Variants in TMEM44 observed in about 807,000 individuals in gnomAD.
TMEM44 encodes transmembrane protein 44.
TMEM44 carries 43 observed loss-of-function variants against 47.8 expected under a neutral mutation model. That is an observed-to-expected ratio of 0.90 (90% CI 0.70 to 1.16). The LOEUF is 1.16. Among genes scored for constraint, TMEM44 ranks in the 50% most tolerant of loss-of-function variants. The probability of loss-of-function intolerance (pLI) is 0.00; values close to 1 mark genes in which losing one functional copy is unlikely to be tolerated. For missense variants in TMEM44, 568 were observed against 555.2 expected (o/e 1.02, Z -0.23); for synonymous variants, 277 against 238.8 (o/e 1.16, Z -1.48).
chr3:194,593,308 G>C (rs1021005137), intron 9 of TMEM44, among the ~76,000 whole-genome samples: 1 of 152,060 alleles, frequency 6.6e-6, no homozygotes, highest in African/African-American at 2.4e-5. Flanking sequence ...AGGGCTGCAC[G>C]TCCTGGGAAA....
intron 7 of TMEM44, among the ~76,000 whole-genome samples, chr3:194,614,135 TAAAAC>T (rs777919063): frequency 3.3e-5 from 5 of 151,396 alleles, no homozygotes; most frequent in African/African-American, 7.3e-5. Flanking sequence ...AAAAACAAAA[TAAAAC>T]AAAACAAAAC....
chr3:194,599,670 C>T (rs1297786056), intron 9 of TMEM44, among the ~76,000 whole-genome samples: 3 of 150,952 alleles, frequency 2.0e-5, no homozygotes, highest in Admixed American at 6.6e-5. Flanking sequence ...CTGCAACCTC[C>T]GCCTCCCGGG....
At chr3:194,624,559 C>G (rs184685659) in intron 3 of TMEM44, among the ~76,000 whole-genome samples, 1 of 151,986 alleles carries the variant, frequency 6.6e-6, no homozygotes, top group Non-Finnish European at 1.5e-5. Context: ...GCTGGGACCA[C>G]AGGCATGCAC....
intron 5 of TMEM44, chr3:194,622,415 C>T (rs929324139): frequency 8.5e-5 from 13 of 152,218 alleles, no homozygotes; most frequent in African/African-American, 1.9e-4. Flanking sequence ...TTCACATTCC[C>T]GTGTCTTCCA....
Position 194,633,158 on chromosome 3 carries a change from A to G in TMEM44, c.58T>C (p.Cys20Arg), listed in dbSNP as rs1360405128. 6.5e-7 allele frequency: 1 copy of G among 1,548,944 alleles called. No individual in the cohort carries two copies. Among genetic ancestry groups the G allele is most frequent in the South Asian group, 1.2e-5 (1 of 84,048 alleles). Residue 20 changes from cysteine to arginine, a missense_variant, in exon 1 of 10, where the codon TGC (cysteine) becomes CGC (arginine). Physicochemically the swap from Cys to Arg is radical, Grantham distance 180 (BLOSUM62 -3). Coordinates refer to ENST00000347147, the MANE Select transcript of TMEM44 (RefSeq NM_001011655.3). ...ATGCAGACGCGGTGGCGGGCGAAGCAGCGGTCCAGGTAGTCCCAGTCCCAG... is the reference window on the plus strand; with the variant it reads ...ATGCAGACGCGGTGGCGGGCGAAGCGGCGGTCCAGGTAGTCCCAGTCCCAG... ...ALWDWDYLDRCFARHRVCISF... is the reference protein window; with the variant it reads ...ALWDWDYLDRRFARHRVCISF...
intron 9 of TMEM44, among the ~76,000 whole-genome samples, chr3:194,599,064 G>T (rs9844312): frequency 6.6e-6 from 1 of 151,616 alleles, no homozygotes. Context: ...GGTGGTCTGA[G>T]CCCAACGCCA....
chr3:194,609,290 T>C (rs982156066), intron 8 of TMEM44, among the ~76,000 whole-genome samples: 2 of 151,986 alleles, frequency 1.3e-5, no homozygotes, highest in African/African-American at 4.8e-5. Flanking sequence ...AGAACTGGTG[T>C]GCAGAGCGAG....
chr3:194,591,563 A>G (rs1348110026), intron 9 of TMEM44, among the ~76,000 whole-genome samples: 3 of 152,214 alleles, frequency 2.0e-5, no homozygotes, highest in Admixed American at 6.5e-5. Flanking sequence ...AACATTTAGA[A>G]TCTATTTTTT....
At chr3:194,608,274 C>G (rs142601431) in intron 8 of TMEM44, among the ~76,000 whole-genome samples, 6 of 152,190 alleles carry the variant, frequency 3.9e-5, no homozygotes, top group African/African-American at 1.4e-4. Context: ...ACCCAGTATA[C>G]AAGGAGCAAC....
chr3:194,621,953 C>T (rs1488238723), intron 5 of TMEM44, among the ~76,000 whole-genome samples: 1 of 152,200 alleles, frequency 6.6e-6, no homozygotes, highest in Non-Finnish European at 1.5e-5. Flanking sequence ...CTCAGGTGAT[C>T]CACCTGCCTC....
At chr3:194,615,847 A>T (rs1715824355) in intron 6 of TMEM44, 150 bp from the exon 7 acceptor site, 3 of 1,089,582 alleles carry the variant, frequency 2.8e-6, no homozygotes, top group Non-Finnish European at 3.9e-6. Flanking sequence ...AGAGGAGCTC[A>T]TCTGAAGACA....
At chr3:194,601,846 G>A (rs1158142464) in intron 9 of TMEM44, among the ~76,000 whole-genome samples, 1 of 152,198 alleles carries the variant, frequency 6.6e-6, no homozygotes, top group East Asian at 1.9e-4. Context: ...GCCCAAATCA[G>A]CCATAAGGAC....
chr3:194,588,411 T>G lies in TMEM44; in HGVS notation c.*118A>C, dbSNP rs546675545. On this transcript the variant is annotated 3_prime_UTR_variant, in exon 10 of 10. Coordinates refer to ENST00000347147, the MANE Select transcript of TMEM44 (RefSeq NM_001011655.3). ...ACACTCAGTGACGGCTCCTGGTTCC[T>G]CACTTGCCAGGGCAGCTTCAGTTCC... 1 of 844,618 alleles carries G rather than the reference T, an allele frequency of 1.2e-6. No individual in the cohort carries two copies. The highest frequency in any genetic ancestry group is 1.6e-5 in the South Asian group (1 of 61,400). The allele number at this position is 844,618 out of a possible 1,614,324, so 52.3% of individuals were successfully genotyped here.
intron 9 of TMEM44, among the ~76,000 whole-genome samples, chr3:194,601,585 G>A (rs890083845): frequency 3.3e-5 from 5 of 151,982 alleles, no homozygotes; most frequent in East Asian, 1.9e-4. Flanking sequence ...TTACAGGCGT[G>A]AGCCACCCCG....
intron 8 of TMEM44, among the ~76,000 whole-genome samples, chr3:194,607,985 C>G (rs375651377): frequency 2.2e-4 from 34 of 152,300 alleles, no homozygotes; most frequent in African/African-American, 8.2e-4. Flanking sequence ...GGAGTCTGTT[C>G]CCCAACAAGA....
Position 194,626,003 on chromosome 3 carries a change from G to T in TMEM44, c.265-13C>A. ...CACCAGTGAAAACCTGGGAGCAAAC[G>T]GGAAGAGAGTCTTGGCATTCAAGCA... On this transcript the variant is annotated splice_polypyrimidine_tract_variant and intron_variant, in intron 2 of 9. Transcript: ENST00000347147. 6.3e-7 allele frequency: 1 copy of T among 1,595,010 alleles called. No individual in the cohort carries two copies. Among genetic ancestry groups the T allele is most frequent in the South Asian group, 1.1e-5 (1 of 90,646 alleles).
At position 194,604,383 on chromosome 3, in the gene TMEM44, C is replaced by A; in HGVS notation, c.1080G>T (p.Leu360=). ...DGQTSAGDAS[L]QDPPSYPPVQ... is the part of the protein sequence containing the mutation. Reference sequence around the variant, plus strand: ...CGGGAGGGTACGACGGGGGGTCCTGCAGGGACGCATCTCCGGCGCTCGTCT... The same window carrying A: ...CGGGAGGGTACGACGGGGGGTCCTGAAGGGACGCATCTCCGGCGCTCGTCT... The change falls in exon 9 of 10, where the codon CTG becomes CTT. Residue 360 remains leucine, a synonymous_variant. Coordinates refer to ENST00000347147, the MANE Select transcript of TMEM44 (RefSeq NM_001011655.3). 4.5e-6 allele frequency: 7 copies of A among 1,553,276 alleles called. No homozygotes were observed. Among genetic ancestry groups the A allele is most frequent in the East Asian group, 4.9e-5 (2 of 41,130 alleles).
At chr3:194,606,580 G>A (rs1714800181) in intron 8 of TMEM44, among the ~76,000 whole-genome samples, 1 of 151,870 alleles carries the variant, frequency 6.6e-6, no homozygotes, top group African/African-American at 2.4e-5. Context: ...TAGGATCTTG[G>A]GCAAGTTACT....
In TMEM44 at chr3:194,623,321, G is replaced by T. The variant is rs745714389; in HGVS notation, c.526-11C>A. On this transcript the variant is annotated splice_polypyrimidine_tract_variant and intron_variant, in intron 4 of 9. Transcript: ENST00000347147. Reference sequence around the variant, plus strand: ...GATCTCAGTATTTTCCTGCAAGAACGAACAGGTGATCCACCATCAGTACTC... The same window carrying T: ...GATCTCAGTATTTTCCTGCAAGAACTAACAGGTGATCCACCATCAGTACTC... 6.3e-7 allele frequency: 1 copy of T among 1,596,914 alleles called. No homozygotes were observed. The highest frequency in any genetic ancestry group is 2.3e-5 in the East Asian group (1 of 44,344).
Sources: allele counts gnomAD v4.1 joint callset (sites outside exome capture counted in the v4.1 genomes callset), GRCh38; gene constraint gnomAD v4.1.1; transcripts MANE v1.5; gene names NCBI Gene and HGNC (gene_info 2026-07-23, HGNC 2026-07-21).